Variants in SEMA3A observed in about 807,000 individuals in gnomAD.
SEMA3A encodes semaphorin-3A.
SEMA3A carries 29 observed loss-of-function variants against 97.9 expected under a neutral mutation model. The observed-to-expected ratio is 0.30, with a 90% CI of 0.22 to 0.40. The LOEUF (loss-of-function observed/expected upper bound fraction) is 0.40. SEMA3A is among the 10% of genes least tolerant of loss of function. The pLI is 1.00. For synonymous variants in SEMA3A, 321 were observed against 323.7 expected (o/e 0.99, Z 0.09); for missense variants, 763 against 951.3 (o/e 0.80, Z 2.60).
intron 1 of SEMA3A, among the ~76,000 whole-genome samples, chr7:84,490,687 A>G (rs913515332): frequency 1.2e-4 from 18 of 152,224 alleles, no homozygotes; most frequent in Admixed American, 9.8e-4. Context: ...CTTGATTTTT[A>G]TTACACTTTG....
At chr7:84,072,461 C>T (rs547227676) in intron 4 of SEMA3A, among the ~76,000 whole-genome samples, 23 of 151,992 alleles carry the variant, frequency 1.5e-4, no homozygotes, top group Admixed American at 7.9e-4. Flanking sequence ...TGTAGGCAAG[C>T]GGAGGAGGAA....
intron 2 of SEMA3A, among the ~76,000 whole-genome samples, chr7:84,349,653 C>A (rs1802387707): frequency 6.6e-6 from 1 of 152,132 alleles, no homozygotes; most frequent in Non-Finnish European, 1.5e-5. Context: ...ATAATGTCCC[C>A]CCTACTGCAA....
intron 2 of SEMA3A, among the ~76,000 whole-genome samples, chr7:84,354,576 T>C (rs1327695104): frequency 1.3e-5 from 2 of 151,702 alleles, no homozygotes; most frequent in African/African-American, 4.8e-5. Context: ...CTACTTTATG[T>C]TAAGTCATAT....
At chr7:84,264,642 A>G (rs2115675463) in intron 3 of SEMA3A, among the ~76,000 whole-genome samples, 1 of 152,328 alleles carries the variant, frequency 6.6e-6, no homozygotes, top group South Asian at 2.1e-4. Flanking sequence ...ATTCATCATG[A>G]GAATGAGCCA....
Position 83,977,084 on chromosome 7 carries a change from G to T in SEMA3A, c.1717+48C>A, listed in dbSNP as rs756007602. 4 of 1,156,826 alleles carry T rather than the reference G, an allele frequency of 3.5e-6. No homozygotes were observed. The Admixed American group carries it at 6.4e-5, about 19-fold the overall frequency. The allele number at this position is 1,156,826 out of a possible 1,614,324, so 71.7% of individuals were successfully genotyped here. ...CATATGCATGAATATGCATTATTATGATTTTAGCCTGGTCTTAGCAGGTTG... is the reference window on the plus strand; with the variant it reads ...CATATGCATGAATATGCATTATTATTATTTTAGCCTGGTCTTAGCAGGTTG... On this transcript the variant is annotated intron_variant, in intron 15 of 16. Coordinates refer to ENST00000265362, the MANE Select transcript of SEMA3A (RefSeq NM_006080.3).
chr7:84,114,619 ACTTT>A (rs1795371856), intron 3 of SEMA3A, among the ~76,000 whole-genome samples: 1 of 152,046 alleles, frequency 6.6e-6, no homozygotes, highest in Non-Finnish European at 1.5e-5. Context: ...TAATCTGTTG[ACTTT>A]CTTTTTCTCT....
chr7:83,989,169 GA>G (rs1270905934), intron 12 of SEMA3A, among the ~76,000 whole-genome samples: 7 of 152,022 alleles, frequency 4.6e-5, no homozygotes, highest in Non-Finnish European at 7.4e-5. Context: ...GAAATTCAAA[GA>G]AAGTGTTTCT....
intron 1 of SEMA3A, among the ~76,000 whole-genome samples, chr7:84,438,203 G>C (rs1805184980): frequency 6.6e-6 from 1 of 152,074 alleles, no homozygotes; most frequent in South Asian, 2.1e-4. Flanking sequence ...AAAATAGAAA[G>C]ACCAGAATGA....
chr7:84,200,301 T>C (rs903653396), intron 3 of SEMA3A, among the ~76,000 whole-genome samples: 6 of 152,116 alleles, frequency 3.9e-5, no homozygotes, highest in Non-Finnish European at 5.9e-5. Context: ...ATTAAAACAA[T>C]ACAGAAGGAG....
intron 6 of SEMA3A, among the ~76,000 whole-genome samples, chr7:84,044,890 C>A (rs1376004875): frequency 1.3e-5 from 2 of 151,952 alleles, no homozygotes; most frequent in Non-Finnish European, 2.9e-5. Context: ...ACATCAATGC[C>A]ATTAAAAGCC....
chr7:84,395,228 G>T (rs1803694371), intron 1 of SEMA3A, among the ~76,000 whole-genome samples: 1 of 151,950 alleles, frequency 6.6e-6, no homozygotes. Context: ...CAGCTTTATA[G>T]AACTCATTTG....
chr7:84,351,669 G>T (rs921053134), intron 2 of SEMA3A, among the ~76,000 whole-genome samples: 2 of 151,858 alleles, frequency 1.3e-5, no homozygotes, highest in African/African-American at 4.8e-5. Flanking sequence ...ACTAAAATAG[G>T]ATATCATCTC....
chr7:84,143,112 TAA>T (rs1796345414), intron 1 of SEMA3A, among the ~76,000 whole-genome samples: 2 of 152,134 alleles, frequency 1.3e-5, no homozygotes, highest in South Asian at 4.1e-4. Flanking sequence ...TGGATTACAG[TAA>T]TCATCTTCTT....
At chr7:84,268,510 G>A (rs1800068502) in intron 3 of SEMA3A, among the ~76,000 whole-genome samples, 1 of 152,018 alleles carries the variant, frequency 6.6e-6, no homozygotes. Context: ...AGAGCCTAAA[G>A]CAAACCCTGT....
chr7:84,031,131 T>C (rs1414723168), intron 6 of SEMA3A, among the ~76,000 whole-genome samples: 1 of 151,804 alleles, frequency 6.6e-6, no homozygotes, highest in African/African-American at 2.4e-5. Flanking sequence ...TAGCTGGGAC[T>C]ACAGGTGTGT....
chr7:83,986,697 AC>A (rs1296126895), intron 12 of SEMA3A, among the ~76,000 whole-genome samples: 3 of 152,148 alleles, frequency 2.0e-5, no homozygotes, highest in Admixed American at 6.6e-5. Flanking sequence ...TGTGTAGGTG[AC>A]CGAAGCTACT....
At chr7:84,331,510 A>C (rs541550003) in intron 2 of SEMA3A, among the ~76,000 whole-genome samples, 1 of 152,242 alleles carries the variant, frequency 6.6e-6, no homozygotes, top group African/African-American at 2.4e-5. Flanking sequence ...GTTCTTTATT[A>C]CTAGCAGTTT....
At chr7:84,451,618 A>G (rs1270488089) in intron 1 of SEMA3A, among the ~76,000 whole-genome samples, 1 of 152,206 alleles carries the variant, frequency 6.6e-6, no homozygotes. Context: ...TCTTGTTTAT[A>G]AAGCCTCTAC....
chr7:84,373,409 G>T (rs777338652), intron 1 of SEMA3A, among the ~76,000 whole-genome samples: 1 of 152,040 alleles, frequency 6.6e-6, no homozygotes, highest in Non-Finnish European at 1.5e-5. Context: ...GGAAATGTCC[G>T]CAGTCATTAT....
Sources: gnomAD v4.1 joint callset for allele counts (sites outside exome capture counted in the v4.1 genomes callset) on GRCh38, gnomAD v4.1.1 for gene constraint, MANE v1.5 for transcripts, NCBI Gene and HGNC (gene_info 2026-07-23, HGNC 2026-07-21) for gene names.